FHOD3: variants seen among roughly 807,000 people sequenced by gnomAD.
The protein encoded by FHOD3 is FH1/FH2 domain-containing protein 3.
A neutral mutation model predicts 173.0 loss-of-function variants in FHOD3; 90 were observed. The ratio of observed to expected loss-of-function variants is 0.52; its 90% CI spans 0.44 to 0.62. The LOEUF (loss-of-function observed/expected upper bound fraction) is 0.62. Among genes scored for constraint, FHOD3 ranks in the 20% least tolerant of loss-of-function variants. The probability of loss-of-function intolerance (pLI) is 0.00; values close to 1 mark genes in which losing one functional copy is unlikely to be tolerated. For missense variants in FHOD3, 1,945 were observed against 2,034.7 expected, an observed-to-expected ratio of 0.96 and a Z score of 0.85; for synonymous variants, 828 against 823.0, an observed-to-expected ratio of 1.01 and a Z score of -0.10.
At chr18:36,592,227 T>A (rs1274393510) in intron 6 of FHOD3, among the ~76,000 whole-genome samples, 2 of 151,878 alleles carry the variant, frequency 1.3e-5, no homozygotes, top group African/African-American at 2.4e-5. Context: ...TCAAAAAAAA[T>A]AAATAAATCA....
intron 28 of FHOD3, among the ~76,000 whole-genome samples, chr18:36,773,204 C>T (rs890375744): frequency 3.3e-5 from 5 of 152,178 alleles, no homozygotes; most frequent in African/African-American, 1.2e-4. Context: ...TTAGACAAAT[C>T]ACCCTCCCAA....
At chr18:36,409,768 G>A (rs369469856) in intron 3 of FHOD3, among the ~76,000 whole-genome samples, 1 of 152,138 alleles carries the variant, frequency 6.6e-6, no homozygotes, top group South Asian at 2.1e-4. Context: ...GTGTGGCCTG[G>A]GTGGTTGCTC....
intron 3 of FHOD3, among the ~76,000 whole-genome samples, chr18:36,439,710 G>C (rs1225664335): frequency 6.6e-6 from 1 of 152,156 alleles, no homozygotes; most frequent in African/African-American, 2.4e-5. Context: ...GGAGTGGGCA[G>C]TGTAACCTCT....
At chr18:36,428,877 A>G (rs1215224365) in intron 3 of FHOD3, among the ~76,000 whole-genome samples, 1 of 152,174 alleles carries the variant, frequency 6.6e-6, no homozygotes, top group Admixed American at 6.5e-5. Context: ...CTGGGTGTCA[A>G]CATTTTCAAG....
At chr18:36,666,474 T>C (rs1040587535) in intron 14 of FHOD3, among the ~76,000 whole-genome samples, 1 of 152,212 alleles carries the variant, frequency 6.6e-6, no homozygotes, top group Non-Finnish European at 1.5e-5. Context: ...TTGTCCTGTA[T>C]CATTAGACAG....
At chr18:36,697,501 CACAGAT>C (rs59731484) in intron 17 of FHOD3, among the ~76,000 whole-genome samples, 24,060 of 152,088 alleles carry the variant, frequency 0.16, 1,984 homozygotes, top group Non-Finnish European at 0.18. Flanking sequence ...AATAATACAT[CACAGAT>C]ACATTTGAAA....
chr18:36,516,266 G>T (rs954428713), intron 5 of FHOD3, among the ~76,000 whole-genome samples: 3 of 152,164 alleles, frequency 2.0e-5, no homozygotes, highest in Non-Finnish European at 2.9e-5. Flanking sequence ...CAAGAGAAGA[G>T]GCTGGGAAAA....
intron 3 of FHOD3, among the ~76,000 whole-genome samples, chr18:36,475,365 G>T (rs1824996530): frequency 6.7e-6 from 1 of 149,922 alleles, no homozygotes; most frequent in African/African-American, 2.5e-5. Flanking sequence ...TGGCCATCCT[G>T]TGATTCCTTT....
At chr18:36,354,289 C>T (rs976565870) in intron 1 of FHOD3, among the ~76,000 whole-genome samples, 1 of 152,126 alleles carries the variant, frequency 6.6e-6, no homozygotes, top group Non-Finnish European at 1.5e-5. Flanking sequence ...ATCCAAATTC[C>T]AGCTCCACCA....
At chr18:36,700,743 T>C (rs1396670022) in intron 17 of FHOD3, among the ~76,000 whole-genome samples, 2 of 152,166 alleles carry the variant, frequency 1.3e-5, no homozygotes, top group Admixed American at 6.5e-5. Flanking sequence ...ATTCAGATCT[T>C]ATGTGGCATT....
At chr18:36,562,495 C>T (rs910421392) in intron 5 of FHOD3, among the ~76,000 whole-genome samples, 4 of 152,326 alleles carry the variant, frequency 2.6e-5, no homozygotes, top group Admixed American at 2.6e-4. Context: ...CCGTGTCTAT[C>T]AAACATGCAG....
chr18:36,631,898 TAAAAATTATTGCTTAATGGTACATTA>T (rs1372929073), intron 10 of FHOD3, among the ~76,000 whole-genome samples: 1 of 152,226 alleles, frequency 6.6e-6, no homozygotes, highest in Non-Finnish European at 1.5e-5. Flanking sequence ...ATCAATACAT[TAAAAATTATTGCTTAATGGTACATTA>T]AAAAATTATT....
chr18:36,583,255 C>T (rs74413272), intron 6 of FHOD3, among the ~76,000 whole-genome samples: 62 of 152,170 alleles, frequency 4.1e-4, no homozygotes, highest in Non-Finnish European at 2.4e-4. Context: ...CCTGGAATCA[C>T]GATATGCTGC....
At chr18:36,448,069 T>C (rs2051601353) in intron 3 of FHOD3, among the ~76,000 whole-genome samples, 2 of 152,182 alleles carry the variant, frequency 1.3e-5, no homozygotes, top group Admixed American at 6.5e-5. Flanking sequence ...TGTATAAAAA[T>C]TGAAAGGAAA....
intron 4 of FHOD3, among the ~76,000 whole-genome samples, chr18:36,504,819 CA>C (rs1162377042): frequency 6.6e-6 from 1 of 152,094 alleles, no homozygotes; most frequent in Admixed American, 6.6e-5. Flanking sequence ...ACAAGTTGAG[CA>C]TCCCTAATTT....
intron 7 of FHOD3, among the ~76,000 whole-genome samples, chr18:36,600,106 A>G (rs986060651): frequency 6.6e-6 from 1 of 152,168 alleles, no homozygotes; most frequent in Non-Finnish European, 1.5e-5. Flanking sequence ...TAAGGTAGGT[A>G]CAGTCATCCC....
At chr18:36,666,431 CT>C (rs1318869942) in intron 14 of FHOD3, among the ~76,000 whole-genome samples, 1 of 152,182 alleles carries the variant, frequency 6.6e-6, no homozygotes, top group Admixed American at 6.5e-5. Context: ...AAGCAAATGC[CT>C]TTTACAACTG....
At chr18:36,303,427 G>A (rs779008333) in intron 1 of FHOD3, among the ~76,000 whole-genome samples, 34 of 152,148 alleles carry the variant, frequency 2.2e-4, no homozygotes, top group Non-Finnish European at 4.3e-4. Flanking sequence ...TTAAGTGGTT[G>A]TGCTCTGGCA....
At chr18:36,733,210 CT>C (rs2041460750) in intron 20 of FHOD3, among the ~76,000 whole-genome samples, 1 of 152,194 alleles carries the variant, frequency 6.6e-6, no homozygotes, top group African/African-American at 2.4e-5. Flanking sequence ...TCAGCCAAAT[CT>C]TTTACTGGAG....
Sources: allele counts gnomAD v4.1 joint callset (sites outside exome capture counted in the v4.1 genomes callset), GRCh38; gene constraint gnomAD v4.1.1; transcripts MANE v1.5; gene names NCBI Gene and HGNC (gene_info 2026-07-23, HGNC 2026-07-21).